The following RPS6KA2 variants were observed in gnomAD, a reference collection of about 807,000 sequenced individuals.
The protein encoded by RPS6KA2 is ribosomal protein S6 kinase A2.
Under a neutral mutation model 91.8 loss-of-function variants are expected in RPS6KA2, and 42 were observed. That is an observed-to-expected ratio of 0.46 (90% CI 0.36 to 0.59). The LOEUF (loss-of-function observed/expected upper bound fraction) is 0.59, where lower values mean the gene tolerates loss of function less well. Ranked by LOEUF, RPS6KA2 falls within the 20% of genes least tolerant of loss-of-function variation. The pLI is 0.00. For synonymous variants in RPS6KA2, 414 were observed against 393.6 expected, an observed-to-expected ratio of 1.05 and a Z score of -0.61; for missense variants, 798 against 978.5, an observed-to-expected ratio of 0.82 and a Z score of 2.46.
intron 2 of RPS6KA2, among the ~76,000 whole-genome samples, chr6:166,637,640 T>C (rs1787290417): frequency 6.6e-6 from 1 of 152,200 alleles, no homozygotes; most frequent in Non-Finnish European, 1.5e-5. Flanking sequence ...CTGTCTGTTG[T>C]CCAAGAGTGG....
intron 2 of RPS6KA2, among the ~76,000 whole-genome samples, chr6:166,754,344 C>G (rs1313882333): frequency 6.6e-6 from 1 of 152,196 alleles, no homozygotes; most frequent in Non-Finnish European, 1.5e-5. Flanking sequence ...CCCTGGGGAC[C>G]ACTCAGGGAT....
chr6:166,651,022 C>G (rs987469442), intron 2 of RPS6KA2, among the ~76,000 whole-genome samples: 1 of 152,174 alleles, frequency 6.6e-6, no homozygotes, highest in East Asian at 1.9e-4. Flanking sequence ...GGACCTGCCC[C>G]GTGATGTGGT....
In RPS6KA2 at chr6:166,434,537, C is replaced by G. The variant is rs1407173215; in HGVS notation, c.1333-2047G>C. 3.9e-5 allele frequency among the ~76,000 whole-genome samples: 6 copies of G among 152,232 alleles called. No individual in the cohort carries two copies. The highest frequency in any genetic ancestry group is 1.2e-4 in the African/African-American group (5 of 41,464). On this transcript the variant is annotated intron_variant, in intron 14 of 20. Transcript: ENST00000265678. The surrounding 1 kb of genome is among the most constrained non-coding windows in gnomAD (Gnocchi z 4.4). Reference sequence around the variant, plus strand: ...GTAGGGAAGCTGGCTGTCAGGTACCCAAACTCCTCTGCTCCTGTCTGCCTG... The same window carrying G: ...GTAGGGAAGCTGGCTGTCAGGTACCGAAACTCCTCTGCTCCTGTCTGCCTG...
intron 2 of RPS6KA2, among the ~76,000 whole-genome samples, chr6:166,855,943 C>T (rs1004948001): frequency 1.6e-4 from 25 of 152,202 alleles, no homozygotes; most frequent in Admixed American, 3.9e-4. Flanking sequence ...GTAATAATTT[C>T]CTCCATCTGA....
chr6:166,841,079 C>T (rs564981202), intron 2 of RPS6KA2, among the ~76,000 whole-genome samples: 14 of 150,922 alleles, frequency 9.3e-5, no homozygotes, highest in Middle Eastern at 3.4e-3. Context: ...GTTGGGAGTT[C>T]AAGACCAGCC....
At chr6:166,439,666 G>A (rs1395946650) in intron 14 of RPS6KA2, among the ~76,000 whole-genome samples, 2 of 152,202 alleles carry the variant, frequency 1.3e-5, no homozygotes, top group South Asian at 2.1e-4. Flanking sequence ...GGTGAGGGGG[G>A]CTGCTGGCTG....
At chr6:166,431,926 C>A (rs1779145453) in intron 15 of RPS6KA2, among the ~76,000 whole-genome samples, 1 of 152,180 alleles carries the variant, frequency 6.6e-6, no homozygotes. Flanking sequence ...CCGCACCCGG[C>A]CTGTTCGGGC....
chr6:166,668,821 T>A (rs1296022961), intron 2 of RPS6KA2, among the ~76,000 whole-genome samples: 1 of 144,042 alleles, frequency 6.9e-6, no homozygotes, highest in African/African-American at 2.6e-5. Flanking sequence ...CTTCCCTCCA[T>A]CCCTCCCTCC....
chr6:166,571,308 C>A (rs887201029), intron 1 of RPS6KA2, among the ~76,000 whole-genome samples: 11 of 152,196 alleles, frequency 7.2e-5, no homozygotes, highest in African/African-American at 2.7e-4. Flanking sequence ...CGCTGACACA[C>A]ACAACACAGA....
chr6:166,441,870 G>A (rs1008212359), intron 14 of RPS6KA2, among the ~76,000 whole-genome samples: 40 of 152,228 alleles, frequency 2.6e-4, no homozygotes, highest in African/African-American at 8.4e-4. Context: ...AGCAGCTGCC[G>A]GGGGCCGGGG....
chr6:166,823,961 CTTG>C (rs1484362694), intron 2 of RPS6KA2, among the ~76,000 whole-genome samples: 1 of 152,182 alleles, frequency 6.6e-6, no homozygotes, highest in Non-Finnish European at 1.5e-5. Flanking sequence ...TGGAAAAAAG[CTTG>C]GCATGCTCTC....
At position 166,808,222 on chromosome 6, in the gene RPS6KA2, C is replaced by T. The variant is rs75875322; in HGVS notation, c.123+49978G>A. Among the ~76,000 whole-genome samples, 608 of 152,342 alleles carry T rather than the reference C, an allele frequency of 4.0e-3. 28 individuals are homozygous for T. The East Asian group carries it at 0.1, about 26-fold the overall frequency. On this transcript the variant is annotated intron_variant, in intron 2 of 21. Coordinates refer to the RPS6KA2 transcript ENST00000503859. ...GGAGCAACTTTTCACCCAGGACGCC[C>T]TGTTGGCCTGGACAGACCTTTCTTG...
intron 2 of RPS6KA2, among the ~76,000 whole-genome samples, chr6:166,769,026 G>A (rs747082847): frequency 1.3e-5 from 2 of 152,142 alleles, no homozygotes; most frequent in Non-Finnish European, 2.9e-5. Context: ...GGCAACTTAC[G>A]GTTAATGCCT....
intron 1 of RPS6KA2, among the ~76,000 whole-genome samples, chr6:166,539,378 C>T (rs1306806035): frequency 6.6e-6 from 1 of 152,190 alleles, no homozygotes; most frequent in African/African-American, 2.4e-5. Context: ...TGCTCTTTAA[C>T]AGTCTGGGCA....
chr6:166,698,440 G>A lies in RPS6KA2; in HGVS notation c.124-159656C>T, dbSNP rs117432648. Among the ~76,000 whole-genome samples, 507 of 152,316 alleles carry A rather than the reference G, an allele frequency of 3.3e-3. 4 individuals carry two copies. Among genetic ancestry groups the A allele is most frequent in the Middle Eastern group, 6.8e-3 (2 of 294 alleles). On this transcript the variant is annotated intron_variant, in intron 2 of 21. Coordinates refer to the RPS6KA2 transcript ENST00000503859. ...GGAGAAGGTTGAAAACAGTCATTGTGGAGTGAGAGCAAAGTGAGTATAGGG... is the reference window on the plus strand; with the variant it reads ...GGAGAAGGTTGAAAACAGTCATTGTAGAGTGAGAGCAAAGTGAGTATAGGG...
intron 2 of RPS6KA2, chr6:166,702,810 G>C: frequency 2.8e-6 from 3 of 1,071,334 alleles, no homozygotes; most frequent in Non-Finnish European, 4.3e-6. Context: ...CGGCGTTCTC[G>C]CTGAGGTTTC....
intron 1 of RPS6KA2, chr6:166,586,463 G>C: frequency 6.3e-7 from 1 of 1,598,232 alleles, no homozygotes; most frequent in East Asian, 2.2e-5. Flanking sequence ...GAACAGCTTC[G>C]GCAGTGTCAG....
At chr6:166,774,549 AC>A (rs1778563729) in intron 2 of RPS6KA2, among the ~76,000 whole-genome samples, 1 of 152,118 alleles carries the variant, frequency 6.6e-6, no homozygotes, top group South Asian at 2.1e-4. Context: ...GATGCTACGG[AC>A]CATGGTAGGG....
chr6:166,720,151 GT>G lies in RPS6KA2; in HGVS notation c.123+138048del, dbSNP rs534890635. 1.7e-4 allele frequency among the ~76,000 whole-genome samples: 26 copies of G among 152,304 alleles called. No homozygotes were observed. In the South Asian group the frequency reaches 5.2e-3, roughly 30 times the overall value. On this transcript the variant is annotated intron_variant, in intron 2 of 21. Coordinates refer to the RPS6KA2 transcript ENST00000503859. ...CTTTTAAACAACAAAACATTGTAAA[GT>G]GGGCATCTTTGTATTAAATTCCTAT...
Sources: allele counts gnomAD v4.1 joint callset (sites outside exome capture counted in the v4.1 genomes callset), GRCh38; gene constraint gnomAD v4.1.1; non-coding constraint Gnocchi (gnomAD v3.1); transcripts MANE v1.5; gene names NCBI Gene and HGNC (gene_info 2026-07-23, HGNC 2026-07-21).